Variants in NRXN3 observed in about 807,000 individuals in gnomAD.
NRXN3 encodes the protein neurexin 3.
In NRXN3, 32 loss-of-function variants were observed where a neutral mutation model predicts 137.6. That is an observed-to-expected ratio of 0.23 (90% CI 0.18 to 0.31). The LOEUF is 0.31. NRXN3 is among the 10% of genes least tolerant of loss of function. NRXN3 has a pLI of 1.00. For synonymous variants in NRXN3, 798 were observed against 784.5 expected, an observed-to-expected ratio of 1.02 and a Z score of -0.29; for missense variants, 1,574 against 2,062.5, an observed-to-expected ratio of 0.76 and a Z score of 4.59.
chr14:79,379,264 A>G (rs1377314368), intron 15 of NRXN3, among the ~76,000 whole-genome samples: 1 of 152,164 alleles, frequency 6.6e-6, no homozygotes, highest in Non-Finnish European at 1.5e-5. Flanking sequence ...ATCCTTAAGC[A>G]TAAGGTGGTC....
intron 6 of NRXN3, among the ~76,000 whole-genome samples, chr14:78,655,509 T>A (rs531516373): frequency 6.6e-6 from 1 of 152,200 alleles, no homozygotes; most frequent in Non-Finnish European, 1.5e-5. Context: ...TCATCCCACC[T>A]GCCCTCAATG....
chr14:79,232,042 A>C (rs1220544643), intron 15 of NRXN3, among the ~76,000 whole-genome samples: 3 of 152,182 alleles, frequency 2.0e-5, no homozygotes, highest in African/African-American at 4.8e-5. Flanking sequence ...AGTAATTGGA[A>C]AGGGAAGGAA....
At chr14:79,359,248 T>C (rs1421593181) in intron 15 of NRXN3, among the ~76,000 whole-genome samples, 1 of 152,218 alleles carries the variant, frequency 6.6e-6, no homozygotes. Flanking sequence ...TCTTTTCCCA[T>C]TGTTCTGCTC....
intron 20 of NRXN3, among the ~76,000 whole-genome samples, chr14:79,828,004 C>T (rs930426212): frequency 6.6e-6 from 1 of 151,840 alleles, no homozygotes; most frequent in Non-Finnish European, 1.5e-5. Flanking sequence ...CCGCCACAAA[C>T]TTTTATATGA....
chr14:78,248,734 A>G (rs1313416867), intron 2 of NRXN3, among the ~76,000 whole-genome samples: 2 of 152,138 alleles, frequency 1.3e-5, no homozygotes, highest in East Asian at 3.9e-4. Context: ...GGTGTCCTGC[A>G]GGGAAGTGGA....
intron 19 of NRXN3, among the ~76,000 whole-genome samples, chr14:79,783,374 G>C (rs753046158): frequency 1.3e-5 from 2 of 152,168 alleles, no homozygotes; most frequent in South Asian, 2.1e-4. Context: ...GTTACAGATT[G>C]CTTTTTTATG....
chr14:78,264,903 A>G (rs1226630266), intron 2 of NRXN3, among the ~76,000 whole-genome samples: 1 of 151,972 alleles, frequency 6.6e-6, no homozygotes, highest in East Asian at 1.9e-4. Flanking sequence ...TGTTGTCTTG[A>G]TGGTTGAAGG....
chr14:78,889,229 A>C (rs143158515), intron 10 of NRXN3, among the ~76,000 whole-genome samples: 77 of 152,122 alleles, frequency 5.1e-4, no homozygotes, highest in African/African-American at 1.6e-3. Context: ...GGAAGAACAA[A>C]TAAGATTAAT....
chr14:79,415,879 T>C (rs2095489968), intron 15 of NRXN3, among the ~76,000 whole-genome samples: 1 of 152,140 alleles, frequency 6.6e-6, no homozygotes, highest in South Asian at 2.1e-4. Context: ...AGAGAACTCA[T>C]GCCTGATATA....
At chr14:78,943,610 TAAAAAAA>T (rs754141401) in intron 10 of NRXN3, among the ~76,000 whole-genome samples, 851 of 28,640 alleles carry the variant, frequency 0.03, 28 homozygotes, top group Non-Finnish European at 0.036. Flanking sequence ...AGATCACTGT[TAAAAAAA>T]AAAAATATAT....
Position 78,967,321 on chromosome 14 carries a change from G to C in NRXN3, c.2891G>C (p.Ser964Thr). Residue 964 changes from serine (S) to threonine (T), a missense_variant, in exon 13 of 21, where the codon AGT becomes ACT. This residue lies in a region of NRXN3 where 718 missense variants were observed against 887.6 expected (regional missense o/e 0.81). Transcript: ENST00000335750. ...AATGTCGTCATCACTCGGGACAATA[G>C]TAACACTCATAGCCTGAAAGTGGAC... is the stretch of plus-strand genomic sequence containing the variant. ...WHNVVITRDN[S>T]NTHSLKVDTK... is the part of the protein sequence containing the mutation. 6.2e-7 allele frequency: 1 copy of C among 1,613,902 alleles called. No homozygotes were observed. Among genetic ancestry groups the C allele is most frequent in the Non-Finnish European group, 8.5e-7 (1 of 1,179,956 alleles).
At chr14:79,034,052 T>C (rs2099612027) in intron 15 of NRXN3, among the ~76,000 whole-genome samples, 1 of 152,106 alleles carries the variant, frequency 6.6e-6, no homozygotes, top group African/African-American at 2.4e-5. Flanking sequence ...AATATGACTT[T>C]AGGATTTCTT....
intron 15 of NRXN3, among the ~76,000 whole-genome samples, chr14:79,291,183 A>C (rs1480849802): frequency 6.6e-6 from 1 of 152,194 alleles, no homozygotes; most frequent in Non-Finnish European, 1.5e-5. Context: ...AACTTCTTAG[A>C]TAAGTTAAAC....
At chr14:78,278,761 A>G (rs1432787599) in intron 3 of NRXN3, 99 bp downstream of exon 3, 1 of 932,574 alleles carries the variant, frequency 1.1e-6, no homozygotes. Flanking sequence ...ACAAAATTCT[A>G]AGTGTATTGC....
intron 4 of NRXN3, among the ~76,000 whole-genome samples, chr14:78,540,515 C>T (rs925819624): frequency 6.9e-6 from 1 of 144,584 alleles, no homozygotes; most frequent in Non-Finnish European, 1.5e-5. Context: ...TGCATCTTTG[C>T]ACATGAGATG....
chr14:78,891,431 C>A (rs1175462873), intron 10 of NRXN3, among the ~76,000 whole-genome samples: 1 of 151,866 alleles, frequency 6.6e-6, no homozygotes, highest in Non-Finnish European at 1.5e-5. Flanking sequence ...GGGTGGTATA[C>A]TGGAGACTTA....
chr14:78,573,982 G>A (rs1005857558), intron 4 of NRXN3, among the ~76,000 whole-genome samples: 2 of 152,206 alleles, frequency 1.3e-5, no homozygotes, highest in Non-Finnish European at 2.9e-5. Flanking sequence ...GCTGCTTTGT[G>A]CAGTCTCAGA....
intron 4 of NRXN3, among the ~76,000 whole-genome samples, chr14:78,448,957 A>G (rs1415913003): frequency 6.6e-6 from 1 of 152,186 alleles, no homozygotes. Context: ...TAAGTTCAGA[A>G]CCAACTCAAA....
chr14:78,196,092 T>C (rs2061201025), intron 1 of NRXN3, among the ~76,000 whole-genome samples: 1 of 152,200 alleles, frequency 6.6e-6, no homozygotes, highest in Admixed American at 6.5e-5. Flanking sequence ...TCCTCTCCTT[T>C]TAGAGTTGTG....
Sources: gnomAD v4.1 joint callset for allele counts (sites outside exome capture counted in the v4.1 genomes callset) on GRCh38, gnomAD v4.1.1 for gene constraint, gnomAD v4.1.1 regional missense constraint, MANE v1.5 for transcripts, NCBI Gene and HGNC (gene_info 2026-07-23, HGNC 2026-07-21) for gene names.